Variants in DNAH12 observed in about 807,000 individuals in gnomAD.
DNAH12 encodes dynein axonemal heavy chain 12, also known as axonemal beta dynein heavy chain 12.
In DNAH12, 285 loss-of-function variants were observed where a neutral mutation model predicts 371.5. That is an observed-to-expected ratio of 0.77 (90% CI 0.70 to 0.85). The LOEUF (loss-of-function observed/expected upper bound fraction) is 0.85. Ranked by LOEUF, DNAH12 falls within the 40% of genes least tolerant of loss-of-function variation. The probability of loss-of-function intolerance (pLI) is 0.00; values close to 1 mark genes in which losing one functional copy is unlikely to be tolerated. For synonymous variants in DNAH12, 1,200 were observed against 1,213.0 expected (o/e 0.99, Z 0.22); for missense variants, 3,611 against 3,689.4 (o/e 0.98, Z 0.55).
At chr3:57,451,118 C>A (rs185220492) in intron 25 of DNAH12, among the ~76,000 whole-genome samples, 7 of 152,300 alleles carry the variant, frequency 4.6e-5, no homozygotes, top group Non-Finnish European at 7.4e-5. Context: ...ATCCTGCTGT[C>A]CTTATTTCCC....
chr3:57,440,933 T>C (rs1391704108), intron 29 of DNAH12, among the ~76,000 whole-genome samples: 1 of 152,120 alleles, frequency 6.6e-6, no homozygotes, highest in Non-Finnish European at 1.5e-5. Context: ...GAGGCTGCAG[T>C]GAGCCATGAT....
At chr3:57,382,932 T>C (rs985900682) in intron 49 of DNAH12, among the ~76,000 whole-genome samples, 2 of 152,302 alleles carry the variant, frequency 1.3e-5, no homozygotes, top group South Asian at 4.1e-4. Context: ...AACAACTATA[T>C]ATCTTAGTTT....
intron 73 of DNAH12, among the ~76,000 whole-genome samples, chr3:57,294,522 G>T (rs2061192755): frequency 6.6e-6 from 1 of 152,078 alleles, no homozygotes; most frequent in East Asian, 1.9e-4. Flanking sequence ...TGGAAGACAG[G>T]AATAGACTTT....
intron 69 of DNAH12, among the ~76,000 whole-genome samples, chr3:57,305,644 AC>A: frequency 6.6e-6 from 1 of 152,194 alleles, no homozygotes; most frequent in South Asian, 2.1e-4. Flanking sequence ...TTTGGCGGCA[AC>A]CCTGAGACGC....
the DNAH12 span, among the ~76,000 whole-genome samples, chr3:57,551,834 T>G: frequency 6.7e-6 from 1 of 150,198 alleles, no homozygotes; most frequent in African/African-American, 2.4e-5. Flanking sequence ...AACTTGAGAA[T>G]AAGTGGGAAA....
chr3:57,376,318 T>G (rs2063280633), intron 53 of DNAH12, among the ~76,000 whole-genome samples: 1 of 152,096 alleles, frequency 6.6e-6, no homozygotes, highest in Non-Finnish European at 1.5e-5. Context: ...TAGTATTTAT[T>G]GTTAGACTGT....
rs1214801880 is a variant in DNAH12, at chr3:57,449,087, T to C, written c.3787-2398A>G. 2.3e-5 allele frequency among the ~76,000 whole-genome samples: 2 copies of C among 85,576 alleles called. 1 individual carries two copies. Among genetic ancestry groups the C allele is most frequent in the South Asian group, 1.0e-3 (2 of 1,916 alleles). 56.1% of individuals were successfully genotyped at this position (85,576 alleles called of 152,430 possible). The stretch of plus-strand genomic sequence containing the variant: ...CCTTGAGCTAGATACAGAGTGCCGA[T>C]TGGTGTATTTACAACCCTGAGCTAG... On this transcript the variant is annotated intron_variant, in intron 25 of 73. Transcript: ENST00000495027.
intron 19 of DNAH12, among the ~76,000 whole-genome samples, chr3:57,460,614 C>T (rs1181984764): frequency 6.6e-6 from 1 of 152,160 alleles, no homozygotes; most frequent in East Asian, 1.9e-4. Flanking sequence ...GCTAGGTTAG[C>T]CTGCTTCTTG....
intron 9 of DNAH12, among the ~76,000 whole-genome samples, chr3:57,502,815 G>T (rs2067603377): frequency 6.6e-6 from 1 of 152,158 alleles, no homozygotes; most frequent in East Asian, 1.9e-4. Context: ...AAAGTCCTGG[G>T]ATTACAGGCG....
chr3:57,362,649 G>T (rs1428457826), intron 58 of DNAH12, among the ~76,000 whole-genome samples: 1 of 152,158 alleles, frequency 6.6e-6, no homozygotes, highest in Non-Finnish European at 1.5e-5. Context: ...GTGTCTGTTG[G>T]CTGCATAAAT....
chr3:57,403,335 T>C lies in DNAH12; in HGVS notation c.6922A>G (p.Met2308Val), dbSNP rs1553679697. The change falls in exon 43 of 74, where the codon ATG becomes GTG. Residue 2308 changes from methionine (M) to valine (V), a missense_variant. Physicochemically the swap from Met to Val is conservative, Grantham distance 21. Transcript: ENST00000495027. Reference sequence around the variant, plus strand: ...TTCATATCCTCTCTCCATTCATTCATACCATAGCTCTTAGAAATTTCTGGT... The same window carrying C: ...TTCATATCCTCTCTCCATTCATTCACACCATAGCTCTTAGAAATTTCTGGT... ...FQPEISKSYG[M>V]NEWREDMKGL... 2.6e-6 allele frequency: 4 copies of C among 1,550,604 alleles called. No homozygotes were observed. The Admixed American group carries it at 7.9e-5, about 31-fold the overall frequency.
At chr3:57,478,162 G>C (rs1328008527) in intron 13 of DNAH12, among the ~76,000 whole-genome samples, 1 of 152,152 alleles carries the variant, frequency 6.6e-6, no homozygotes. Context: ...TGGCAAAGAA[G>C]TTAAAGACCT....
chr3:57,480,670 C>A (rs9683158), intron 13 of DNAH12, among the ~76,000 whole-genome samples: 101,290 of 151,682 alleles, frequency 0.67, 34,075 homozygotes, highest in South Asian at 0.75. Flanking sequence ...AAAATCCTCA[C>A]TAAAATACTG....
At chr3:57,408,580 C>A in intron 39 of DNAH12, 45 bp from the exon 40 acceptor site, 1 of 1,443,268 alleles carries the variant, frequency 6.9e-7, no homozygotes, top group South Asian at 1.6e-5. Context: ...GTTATAAAGA[C>A]ATTAAGATGG....
chr3:57,496,160 T>C (rs946295506), intron 11 of DNAH12, among the ~76,000 whole-genome samples: 7 of 151,922 alleles, frequency 4.6e-5, no homozygotes, highest in African/African-American at 1.7e-4. Context: ...GGAATCATTC[T>C]GCCCCCAGTC....
intron 69 of DNAH12, among the ~76,000 whole-genome samples, chr3:57,302,563 ATGTATT>A (rs2061379693): frequency 2.4e-5 from 1 of 41,670 alleles, no homozygotes; most frequent in African/African-American, 7.1e-5. Flanking sequence ...ATATATATAT[ATGTATT>A]TTTTTTTTTT....
chr3:57,430,892 T>C (rs923607386), intron 32 of DNAH12, among the ~76,000 whole-genome samples: 3 of 152,222 alleles, frequency 2.0e-5, no homozygotes, highest in Non-Finnish European at 4.4e-5. Context: ...CGGTAGCTGC[T>C]AGCCATATGT....
intron 55 of DNAH12, among the ~76,000 whole-genome samples, chr3:57,373,691 T>C (rs2063223953): frequency 6.6e-6 from 1 of 152,136 alleles, no homozygotes; most frequent in African/African-American, 2.4e-5. Flanking sequence ...GGAAATGGGT[T>C]CTAAAACAGA....
At chr3:57,521,490 CCT>C (rs1424466041) in intron 4 of DNAH12, among the ~76,000 whole-genome samples, 2 of 151,856 alleles carry the variant, frequency 1.3e-5, no homozygotes, top group African/African-American at 2.4e-5. Context: ...AAGAGAGACC[CCT>C]GTCTCTAAAA....
Sources: allele counts gnomAD v4.1 joint callset (sites outside exome capture counted in the v4.1 genomes callset), GRCh38; gene constraint gnomAD v4.1.1; transcripts MANE v1.5; gene names NCBI Gene and HGNC (gene_info 2026-07-23, HGNC 2026-07-21).